CYP20A1: variants seen among roughly 807,000 people sequenced by gnomAD.
CYP20A1 encodes the protein cytochrome P450 family 20 subfamily A member 1, also known as cytochrome P450 20A1.
CYP20A1 carries 61 observed loss-of-function variants against 61.4 expected under a neutral mutation model. The observed-to-expected ratio is 0.99, with a 90% CI of 0.81 to 1.23. The LOEUF is 1.23. CYP20A1 is among the 50% of genes most tolerant of loss of function. The pLI is 0.00. For missense variants in CYP20A1, 530 were observed against 542.4 expected, an observed-to-expected ratio of 0.98 and a Z score of 0.23; for synonymous variants, 193 against 188.2, an observed-to-expected ratio of 1.03 and a Z score of -0.21.
In CYP20A1 at chr2:203,271,052, G is replaced by GTATATATATATATATATATATATATA. The variant is rs1352823025; in HGVS notation, c.601-1617_601-1616insATATATATATATATATATATATATAT. ...AGTGTATATATATATATATGTATAT[G>GTATATATATATATATATATATATATA]TGTATATATATATATATATATATAT... is the stretch of plus-strand genomic sequence containing the variant. On this transcript the variant is annotated intron_variant, in intron 5 of 12. Coordinates refer to ENST00000356079, the MANE Select transcript of CYP20A1 (RefSeq NM_177538.3). Among the ~76,000 whole-genome samples, 33 of 45,750 alleles carry GTATATATATATATATATATATATATA rather than the reference G, an allele frequency of 7.2e-4. 2 individuals are homozygous for GTATATATATATATATATATATATATA. Among genetic ancestry groups the GTATATATATATATATATATATATATA allele is most frequent in the African/African-American group, 2.0e-3 (29 of 14,434 alleles). 30.0% of individuals were successfully genotyped at this position (45,750 alleles called of 152,430 possible).
intron 4 of CYP20A1, among the ~76,000 whole-genome samples, chr2:203,255,877 C>A: frequency 6.6e-6 from 1 of 152,194 alleles, no homozygotes; most frequent in Non-Finnish European, 1.5e-5. Context: ...AATGTGTGTT[C>A]ATTTTTCAGC....
chr2:203,288,066 T>C (rs1215481343), intron 9 of CYP20A1, among the ~76,000 whole-genome samples: 6 of 139,496 alleles, frequency 4.3e-5, no homozygotes, highest in Non-Finnish European at 6.2e-5. Context: ...TCTCTCTTTT[T>C]TTTTTTTTTT....
At chr2:203,285,584 A>G (rs979088577) in intron 8 of CYP20A1, 28 bp from the exon 9 acceptor site, 5 of 1,503,790 alleles carry the variant, frequency 3.3e-6, no homozygotes, top group African/African-American at 1.4e-5. Context: ...AGCTATTTTC[A>G]TTGTTATTCA....
At chr2:203,288,767 G>A (rs1290382478) in intron 9 of CYP20A1, among the ~76,000 whole-genome samples, 1 of 152,210 alleles carries the variant, frequency 6.6e-6, no homozygotes. Context: ...GTTGAAGGAT[G>A]TATGCAGTAG....
rs775588361 is a variant in CYP20A1 at position 203,266,654 on chromosome 2, C to T, written c.573C>T (p.Val191=). ...GTACATTTGAAGATGATCAGGAAGT[C>T]ATTCGCTTCCAGAAGAATCATGGCA... ...MGSTFEDDQE[V]IRFQKNHGTV... is the part of the protein sequence containing the mutation. The change falls in exon 5 of 13, where the codon GTC becomes GTT. Residue 191 remains valine, a synonymous_variant. Transcript: ENST00000356079. 2 of 1,613,928 alleles carry T rather than the reference C, an allele frequency of 1.2e-6. No homozygotes were observed. The highest frequency in any genetic ancestry group is 2.2e-5 in the South Asian group (2 of 91,046).
chr2:203,241,190 G>T (rs1452145409), intron 1 of CYP20A1, among the ~76,000 whole-genome samples: 1 of 152,214 alleles, frequency 6.6e-6, no homozygotes, highest in Admixed American at 6.5e-5. Flanking sequence ...AAGATCAGGG[G>T]TTTTGCTGGT....
At chr2:203,291,710 G>A (rs1484966663) in intron 10 of CYP20A1, among the ~76,000 whole-genome samples, 2 of 151,266 alleles carry the variant, frequency 1.3e-5, no homozygotes, top group Admixed American at 6.6e-5. Flanking sequence ...TAAGTTTTAG[G>A]GTACATGTGT....
At chr2:203,289,732 TAAAC>T (rs1448044755) in intron 9 of CYP20A1, 29 bp from the exon 10 acceptor site, 1 of 1,296,722 alleles carries the variant, frequency 7.7e-7, no homozygotes. Flanking sequence ...CCTCCCAAAA[TAAAC>T]ATCTTCAAAA....
chr2:203,243,507 C>T (rs1255380524), intron 1 of CYP20A1, among the ~76,000 whole-genome samples: 1 of 152,038 alleles, frequency 6.6e-6, no homozygotes, highest in East Asian at 1.9e-4. Flanking sequence ...GCCTCAGCCT[C>T]CTGAGTAGCT....
chr2:203,251,063 CAAAAAAAA>C (rs35304069), intron 3 of CYP20A1, among the ~76,000 whole-genome samples: 2 of 50,284 alleles, frequency 4.0e-5, no homozygotes, highest in African/African-American at 9.6e-5. Context: ...GATTCTGTCT[CAAAAAAAA>C]AAAAAAAAAA....
At chr2:203,257,758 C>T (rs1394576870) in intron 4 of CYP20A1, among the ~76,000 whole-genome samples, 2 of 151,532 alleles carry the variant, frequency 1.3e-5, no homozygotes, top group African/African-American at 4.9e-5. Flanking sequence ...CACTGCACAC[C>T]AGCCCAGGCA....
intron 11 of CYP20A1, 87 bp downstream of exon 11, chr2:203,292,413 C>T: frequency 2.2e-6 from 2 of 896,002 alleles, no homozygotes; most frequent in South Asian, 2.8e-5. Flanking sequence ...GAGTAGAAAA[C>T]TCAATATGTA....
At chr2:203,256,487 G>A (rs772763725) in intron 4 of CYP20A1, among the ~76,000 whole-genome samples, 6 of 152,014 alleles carry the variant, frequency 3.9e-5, no homozygotes, top group African/African-American at 7.2e-5. Flanking sequence ...AACCTCCCTA[G>A]TAGCTGGCAT....
At chr2:203,259,183 T>C (rs1211179856) in intron 4 of CYP20A1, among the ~76,000 whole-genome samples, 1 of 152,182 alleles carries the variant, frequency 6.6e-6, no homozygotes, top group African/African-American at 2.4e-5. Flanking sequence ...GTTTTTTAAG[T>C]TTTGGTTTGT....
chr2:203,271,452 C>CT (rs2067595428), intron 5 of CYP20A1, among the ~76,000 whole-genome samples: 1 of 151,972 alleles, frequency 6.6e-6, no homozygotes, highest in Admixed American at 6.6e-5. Flanking sequence ...GGATTGAGGA[C>CT]TTTAAAAAAT....
chr2:203,291,493 A>G (rs2068529157), intron 10 of CYP20A1, among the ~76,000 whole-genome samples: 1 of 152,180 alleles, frequency 6.6e-6, no homozygotes. Context: ...TTGGAGAGAT[A>G]GAACAAATTT....
chr2:203,291,830 C>T (rs2068548416), intron 10 of CYP20A1, among the ~76,000 whole-genome samples: 1 of 152,138 alleles, frequency 6.6e-6, no homozygotes, highest in Non-Finnish European at 1.5e-5. Flanking sequence ...CCTCCCCGCT[C>T]CCTCCACGCC....
chr2:203,271,082 A>ATATATATT (rs1178482961), intron 5 of CYP20A1, among the ~76,000 whole-genome samples: 25 of 31,644 alleles, frequency 7.9e-4, no homozygotes, highest in Non-Finnish European at 1.1e-3. Flanking sequence ...ATATATATAT[A>ATATATATT]TTTTTTTTTT....
Position 203,239,109 on chromosome 2 carries a change from T to C in CYP20A1, c.47T>C (p.Val16Ala), listed in dbSNP as rs761910694. The C allele has an allele frequency of 1.2e-6, 2 of 1,613,562 alleles. No individual in the cohort carries two copies. Among genetic ancestry groups the C allele is most frequent in the South Asian group, 1.1e-5 (1 of 91,084 alleles). The change falls in exon 1 of 13, where the codon GTG becomes GCG. Residue 16 changes from valine (V) to alanine (A), a missense_variant. By Grantham distance (64) the Val-to-Ala change is moderately conservative. Coordinates refer to ENST00000356079, the MANE Select transcript of CYP20A1 (RefSeq NM_177538.3). ...IFAVTFLLAL[V>A]GAVLYLYPAS... ...GCCGTTACCTTCTTGCTGGCGTTGG[T>C]GGGAGCCGTGCTCTACCTCTATCCG...
Sources: gnomAD v4.1 joint callset for allele counts (sites outside exome capture counted in the v4.1 genomes callset) on GRCh38, gnomAD v4.1.1 for gene constraint, MANE v1.5 for transcripts, NCBI Gene and HGNC (gene_info 2026-07-23, HGNC 2026-07-21) for gene names.